CTNND2: variants seen among roughly 807,000 people sequenced by gnomAD.
CTNND2 encodes the protein catenin delta-2.
A neutral mutation model predicts 144.4 loss-of-function variants in CTNND2; 22 were observed. The observed-to-expected ratio is 0.15, with a 90% CI of 0.11 to 0.22. The LOEUF (loss-of-function observed/expected upper bound fraction) is 0.22, where lower values mean the gene tolerates loss of function less well. CTNND2 is among the 10% of genes least tolerant of loss of function. The pLI is 1.00. For synonymous variants in CTNND2, 751 were observed against 695.6 expected, an observed-to-expected ratio of 1.08 and a Z score of -1.25; for missense variants, 1,353 against 1,618.8, an observed-to-expected ratio of 0.84 and a Z score of 2.82.
Position 11,356,755 on chromosome 5 carries a change from G to A in CTNND2, c.1372+7941C>T, listed in dbSNP as rs116663554. ...ACTGAGAAGACAATCTATAGAATGC[G>A]AGAAGATATTTAAAAATGATACATC... On this transcript the variant is annotated intron_variant, in intron 8 of 21. Coordinates refer to ENST00000304623, the MANE Select transcript of CTNND2 (RefSeq NM_001332.4). Among the ~76,000 whole-genome samples, 395 of 151,478 alleles carry A rather than the reference G, an allele frequency of 2.6e-3. 3 individuals carry two copies. The highest frequency in any genetic ancestry group is 8.3e-3 in the Admixed American group (126 of 15,208).
chr5:11,131,115 CTTCT>C (rs1387602150), intron 12 of CTNND2, among the ~76,000 whole-genome samples: 4 of 152,254 alleles, frequency 2.6e-5, no homozygotes, highest in South Asian at 2.1e-4. Flanking sequence ...TAGTTGTTTT[CTTCT>C]TTCTTTGTTA....
intron 18 of CTNND2, among the ~76,000 whole-genome samples, chr5:11,005,322 A>T (rs1445566223): frequency 6.6e-6 from 1 of 152,256 alleles, no homozygotes; most frequent in Non-Finnish European, 1.5e-5. Flanking sequence ...GGAGGTGAGC[A>T]GGACTTTGTG....
At chr5:11,197,392 GAGAC>G (rs1312776185) in intron 11 of CTNND2, among the ~76,000 whole-genome samples, 8 of 152,220 alleles carry the variant, frequency 5.3e-5, no homozygotes, top group East Asian at 1.9e-4. Flanking sequence ...CGTCTAGGAG[GAGAC>G]AGACAGAGAG....
intron 2 of CTNND2, among the ~76,000 whole-genome samples, chr5:11,680,971 G>A (rs1784399228): frequency 6.6e-6 from 1 of 152,152 alleles, no homozygotes; most frequent in Admixed American, 6.5e-5. Context: ...TTAGCTGTCT[G>A]GGATACAGGA....
At chr5:11,250,735 T>C (rs1743539720) in intron 9 of CTNND2, among the ~76,000 whole-genome samples, 1 of 151,890 alleles carries the variant, frequency 6.6e-6, no homozygotes, top group Admixed American at 6.6e-5. Context: ...CAGGCTGGTC[T>C]CCAACTCCAA....
At chr5:11,104,966 A>C (rs1417444884) in intron 14 of CTNND2, among the ~76,000 whole-genome samples, 1 of 152,228 alleles carries the variant, frequency 6.6e-6, no homozygotes, top group East Asian at 1.9e-4. Flanking sequence ...CCCGGTGAGC[A>C]CACATCCCTC....
chr5:11,725,667 T>C (rs938337433), intron 2 of CTNND2, among the ~76,000 whole-genome samples: 1 of 152,134 alleles, frequency 6.6e-6, no homozygotes, highest in Non-Finnish European at 1.5e-5. Flanking sequence ...ATAAAACATA[T>C]TGAGCAAAAT....
chr5:11,118,510 A>G (rs1753779288), intron 12 of CTNND2, among the ~76,000 whole-genome samples: 1 of 152,224 alleles, frequency 6.6e-6, no homozygotes, highest in Non-Finnish European at 1.5e-5. Flanking sequence ...TGTGCAGTAC[A>G]GACTGCTGGC....
At chr5:11,173,070 T>C (rs950649562) in intron 11 of CTNND2, among the ~76,000 whole-genome samples, 1 of 152,248 alleles carries the variant, frequency 6.6e-6, no homozygotes, top group Non-Finnish European at 1.5e-5. Flanking sequence ...ACCAGCTCCA[T>C]ATATACAACA....
intron 9 of CTNND2, among the ~76,000 whole-genome samples, chr5:11,303,991 T>C (rs762317396): frequency 1.2e-4 from 19 of 152,094 alleles, no homozygotes; most frequent in Non-Finnish European, 2.2e-4. Flanking sequence ...TTTCGCTTGG[T>C]TCTCATTCTC....
intron 11 of CTNND2, among the ~76,000 whole-genome samples, chr5:11,179,881 C>T (rs181906576): frequency 6.6e-6 from 1 of 152,338 alleles, no homozygotes; most frequent in African/African-American, 2.4e-5. Flanking sequence ...ATATTTCCTT[C>T]TCAACCTAAC....
chr5:11,578,045 A>G (rs147535412), intron 2 of CTNND2, among the ~76,000 whole-genome samples: 98 of 152,230 alleles, frequency 6.4e-4, no homozygotes, highest in Middle Eastern at 3.4e-3. Context: ...TACACCCAAA[A>G]AAATAGTCTC....
intron 1 of CTNND2, among the ~76,000 whole-genome samples, chr5:11,875,663 G>T (rs1735516365): frequency 6.6e-6 from 1 of 152,180 alleles, no homozygotes; most frequent in South Asian, 2.1e-4. Flanking sequence ...GCAACTGTCT[G>T]CAAGCCATCA....
intron 1 of CTNND2, among the ~76,000 whole-genome samples, chr5:11,813,571 A>C (rs1018600645): frequency 5.9e-5 from 9 of 152,332 alleles, no homozygotes; most frequent in African/African-American, 2.2e-4. Flanking sequence ...CCTTAGCAAC[A>C]GATATTTTTG....
intron 1 of CTNND2, among the ~76,000 whole-genome samples, chr5:11,795,749 AGC>A (rs1230376474): frequency 1.3e-5 from 2 of 152,260 alleles, no homozygotes; most frequent in Non-Finnish European, 2.9e-5. Flanking sequence ...TATGAGAAAT[AGC>A]CATTCAATAT....
chr5:11,645,193 C>T (rs994266213), intron 2 of CTNND2, among the ~76,000 whole-genome samples: 7 of 151,930 alleles, frequency 4.6e-5, no homozygotes, highest in African/African-American at 1.2e-4. Context: ...CTTGAACTCC[C>T]GGCCTCAATC....
rs189536749 is a variant in CTNND2 at position 11,068,682 on chromosome 5, G to A, written c.2788+14014C>T. On this transcript the variant is annotated intron_variant, in intron 16 of 21. Coordinates refer to ENST00000304623, the MANE Select transcript of CTNND2 (RefSeq NM_001332.4). ...TGTAATCCCAGCACTTTGGGAAGCC[G>A]AGGCGGGCGGATCACGAGGTCAGGA... 2.3e-3 allele frequency among the ~76,000 whole-genome samples: 343 copies of A among 152,342 alleles called. 2 individuals carry two copies. The highest frequency in any genetic ancestry group is 3.4e-3 in the Middle Eastern group (1 of 294).
chr5:11,705,848 C>T (rs1465000986), intron 2 of CTNND2, among the ~76,000 whole-genome samples: 1 of 152,174 alleles, frequency 6.6e-6, no homozygotes, highest in Non-Finnish European at 1.5e-5. Flanking sequence ...GAATATAGCA[C>T]AGTGATGGGA....
chr5:11,857,820 A>G (rs566298247), intron 1 of CTNND2, among the ~76,000 whole-genome samples: 1 of 152,196 alleles, frequency 6.6e-6, no homozygotes, highest in East Asian at 1.9e-4. Context: ...AGCATATAAG[A>G]AAAGGAAGAA....
Sources: gnomAD v4.1 joint callset for allele counts (sites outside exome capture counted in the v4.1 genomes callset) on GRCh38, gnomAD v4.1.1 for gene constraint, MANE v1.5 for transcripts, NCBI Gene and HGNC (gene_info 2026-07-23, HGNC 2026-07-21) for gene names.